Variants in FBXL13 observed in about 807,000 individuals in gnomAD.
The protein encoded by FBXL13 is F-box and leucine rich repeat protein 13, also known as F-box and leucine-rich repeat protein 13.
In FBXL13, 67 loss-of-function variants were observed where a neutral mutation model predicts 83.6. The observed-to-expected ratio is 0.80, with a 90% CI of 0.66 to 0.98. The LOEUF is 0.98. FBXL13 is among the 50% of genes least tolerant of loss of function. The pLI is 0.00. For synonymous variants in FBXL13, 272 were observed against 299.5 expected, an observed-to-expected ratio of 0.91 and a Z score of 0.95; for missense variants, 822 against 866.5, an observed-to-expected ratio of 0.95 and a Z score of 0.64.
Position 102,926,287 on chromosome 7 carries a change from G to A in FBXL13, c.865C>T (p.Arg289Ter), listed in dbSNP as rs768134477. 13 of 1,612,854 alleles carry A rather than the reference G, an allele frequency of 8.1e-6. No individual in the cohort carries two copies. Among genetic ancestry groups the A allele is most frequent in the South Asian group, 1.1e-5 (1 of 90,830 alleles). Residue 289 changes from arginine to a stop codon, truncating the protein, a stop_gained, in exon 10 of 20, where the codon CGA becomes TGA. Coordinates refer to ENST00000313221, the Ensembl canonical transcript of FBXL13. LOFTEE classifies it high-confidence loss of function. ...CACAAACATTACCTCGGCAGGAGTC[G>A]CATCGTCCTGTTGGTGATAGTTGTG...
At chr7:103,005,450 G>C (rs2129485962) in intron 6 of FBXL13, among the ~76,000 whole-genome samples, 1 of 152,158 alleles carries the variant, frequency 6.6e-6, no homozygotes, top group African/African-American at 2.4e-5. Flanking sequence ...AAATTAAAGA[G>C]TTGTTTTAGT....
intron 8 of FBXL13, chr7:102,939,386 G>A (rs374967483): frequency 3.3e-6 from 5 of 1,528,704 alleles, no homozygotes; most frequent in Admixed American, 3.7e-5. Context: ...GAGGAAATGG[G>A]GGCAAAAAGA....
At chr7:102,997,631 C>A (rs1789949336) in intron 6 of FBXL13, among the ~76,000 whole-genome samples, 1 of 152,128 alleles carries the variant, frequency 6.6e-6, no homozygotes, top group South Asian at 2.1e-4. Flanking sequence ...TCCATGAGAT[C>A]CACTTTTTTA....
In FBXL13 at chr7:102,866,706, G is replaced by GT. The variant is rs540779160; in HGVS notation, c.1635+10760dup. 1.7e-3 allele frequency among the ~76,000 whole-genome samples: 266 copies of GT among 152,288 alleles called. 3 individuals are homozygous for GT. Among genetic ancestry groups the GT allele is most frequent in the Admixed American group, 6.9e-3 (106 of 15,308 alleles). ...TATCATCAGATTAAGACACGCAGCT[G>GT]TAAGTGCTTCCACTCCAGCCCAGAG... On this transcript the variant is annotated intron_variant, in intron 16 of 19. Coordinates refer to ENST00000313221, the Ensembl canonical transcript of FBXL13.
rs1246957929 is a variant in FBXL13, at chr7:102,937,733, G to T, written c.725-5800C>A. Among the ~76,000 whole-genome samples the T allele has an allele frequency of 9.2e-5, 14 of 152,234 alleles. No individual in the cohort carries two copies. In the East Asian group the frequency reaches 2.7e-3, roughly 29 times the overall value. On this transcript the variant is annotated intron_variant, in intron 8 of 19. Transcript: ENST00000313221. ...TGCTTTAGATTGATGATGATAACTGGACTACTCTTCTTTATTCTTTCAAAG... is the reference window on the plus strand; with the variant it reads ...TGCTTTAGATTGATGATGATAACTGTACTACTCTTCTTTATTCTTTCAAAG...
intron 11 of FBXL13, among the ~76,000 whole-genome samples, chr7:102,907,383 A>T (rs1813923695): frequency 6.6e-6 from 1 of 151,952 alleles, no homozygotes; most frequent in African/African-American, 2.4e-5. Flanking sequence ...GGTTTGTTAC[A>T]TATGTATACA....
chr7:102,847,245 C>T (rs909398357), intron 17 of FBXL13, among the ~76,000 whole-genome samples: 1 of 151,414 alleles, frequency 6.6e-6, no homozygotes, highest in Non-Finnish European at 1.5e-5. Flanking sequence ...AGGGTGCAAG[C>T]TCCTGTCTGC....
chr7:102,818,785 A>G (rs1798382377), intron 19 of FBXL13, among the ~76,000 whole-genome samples: 2 of 152,158 alleles, frequency 1.3e-5, no homozygotes, highest in African/African-American at 4.8e-5. Context: ...TTTTTTAAAA[A>G]ATTTATTTCC....
At chr7:102,990,434 G>A (rs1176808548) in intron 6 of FBXL13, among the ~76,000 whole-genome samples, 3 of 152,182 alleles carry the variant, frequency 2.0e-5, no homozygotes, top group South Asian at 2.1e-4. Context: ...ATGAGACCAA[G>A]TTTGTAATAG....
chr7:103,068,528 TAA>T (rs943261339), intron 1 of FBXL13, among the ~76,000 whole-genome samples: 36 of 152,134 alleles, frequency 2.4e-4, no homozygotes, highest in African/African-American at 8.0e-4. Flanking sequence ...AAATCACATT[TAA>T]AAAAGATATT....
In FBXL13 at chr7:103,056,467, CT is replaced by C. The variant is rs921213130; in HGVS notation, c.-104-721del. Among the ~76,000 whole-genome samples, 4 of 151,378 alleles carry C rather than the reference CT, an allele frequency of 2.6e-5. No individual in the cohort carries two copies. The East Asian group carries it at 5.8e-4, about 22-fold the overall frequency. ...ACTCTCCACACTGTTTACTAGTTTA[CT>C]TTTTTTTTGAGCAGAGTCTTGCTCT... is the stretch of plus-strand genomic sequence containing the variant. On this transcript the variant is annotated intron_variant, in intron 1 of 19. Transcript: ENST00000313221.
At chr7:102,947,476 T>C (rs1013001258) in intron 8 of FBXL13, among the ~76,000 whole-genome samples, 3 of 152,216 alleles carry the variant, frequency 2.0e-5, no homozygotes, top group African/African-American at 4.8e-5. Context: ...ATTGCTAACA[T>C]CTCTCAGGGT....
At chr7:103,002,564 C>T (rs1315869524) in intron 6 of FBXL13, among the ~76,000 whole-genome samples, 1 of 152,200 alleles carries the variant, frequency 6.6e-6, no homozygotes, top group African/African-American at 2.4e-5. Context: ...GATTGAAGAA[C>T]TCCCTTTAGC....
intron 8 of FBXL13, among the ~76,000 whole-genome samples, chr7:102,959,005 CA>C (rs1259991257): frequency 1.3e-5 from 2 of 151,316 alleles, no homozygotes; most frequent in East Asian, 3.9e-4. Context: ...TTCAACATTG[CA>C]AAAAAGGTCC....
intron 6 of FBXL13, among the ~76,000 whole-genome samples, chr7:102,997,855 T>C (rs976821534): frequency 3.9e-5 from 6 of 152,240 alleles, no homozygotes; most frequent in African/African-American, 9.6e-5. Flanking sequence ...CTCTTGGTCA[T>C]TGTAAATAGT....
At chr7:103,044,006 T>C (rs1796018581) in intron 2 of FBXL13, among the ~76,000 whole-genome samples, 1 of 152,208 alleles carries the variant, frequency 6.6e-6, no homozygotes, top group Non-Finnish European at 1.5e-5. Context: ...AACCAGATCA[T>C]GTGTGCCTCC....
At chr7:102,886,494 T>C (rs1810810477) in intron 11 of FBXL13, among the ~76,000 whole-genome samples, 2 of 152,214 alleles carry the variant, frequency 1.3e-5, no homozygotes, top group African/African-American at 4.8e-5. Context: ...TCAACTCAAA[T>C]GTCACTTCCT....
chr7:102,985,318 C>T (rs1402252748), intron 6 of FBXL13, among the ~76,000 whole-genome samples: 1 of 152,236 alleles, frequency 6.6e-6, no homozygotes, highest in Non-Finnish European at 1.5e-5. Flanking sequence ...GTCTGCACTT[C>T]ACACTATCCA....
chr7:103,047,093 C>T (rs1399345895), intron 2 of FBXL13: 2 of 152,158 alleles, frequency 1.3e-5, no homozygotes, highest in African/African-American at 4.8e-5. Context: ...GTTGAATGAA[C>T]TCCCTTTATA....
Sources: allele counts gnomAD v4.1 joint callset (sites outside exome capture counted in the v4.1 genomes callset), GRCh38; gene constraint gnomAD v4.1.1; transcripts MANE v1.5; gene names NCBI Gene and HGNC (gene_info 2026-07-23, HGNC 2026-07-21).